The following WASF2 variants were observed in gnomAD, a reference collection of about 807,000 sequenced individuals.
WASF2 encodes the protein actin-binding protein WASF2.
Under a neutral mutation model 45.0 loss-of-function variants are expected in WASF2, and 14 were observed. The observed-to-expected ratio is 0.31, with a 90% CI of 0.21 to 0.49. The LOEUF (loss-of-function observed/expected upper bound fraction) is 0.49, where lower values mean the gene tolerates loss of function less well. Among genes scored for constraint, WASF2 ranks in the 20% least tolerant of loss-of-function variants. WASF2 has a pLI of 0.99. For synonymous variants in WASF2, 200 were observed against 236.3 expected, an observed-to-expected ratio of 0.85 and a Z score of 1.41; for missense variants, 439 against 636.1, an observed-to-expected ratio of 0.69 and a Z score of 3.33.
intron 1 of WASF2, among the ~76,000 whole-genome samples, chr1:27,468,343 A>C (rs1028250069): frequency 6.6e-6 from 1 of 152,004 alleles, no homozygotes; most frequent in African/African-American, 2.4e-5. Context: ...AAAAAACACC[A>C]GAGAAAAAAA....
At chr1:27,474,568 G>A (rs1482541235) in intron 1 of WASF2, among the ~76,000 whole-genome samples, 1 of 151,506 alleles carries the variant, frequency 6.6e-6, no homozygotes, top group Non-Finnish European at 1.5e-5. Flanking sequence ...TCACAAGATC[G>A]AGACCATCCT....
At chr1:27,441,426 G>C (rs1056206195) in intron 1 of WASF2, among the ~76,000 whole-genome samples, 3 of 151,252 alleles carry the variant, frequency 2.0e-5, no homozygotes, top group African/African-American at 7.3e-5. Flanking sequence ...TCAGGAATTC[G>C]AGACCAGCTT....
At chr1:27,427,999 C>G (rs1202908595) in intron 2 of WASF2, among the ~76,000 whole-genome samples, 2 of 152,136 alleles carry the variant, frequency 1.3e-5, no homozygotes, top group Non-Finnish European at 2.9e-5. Flanking sequence ...GTACCCCACC[C>G]AAGGCAGTCT....
intron 1 of WASF2, among the ~76,000 whole-genome samples, chr1:27,471,717 A>G (rs1296360757): frequency 6.6e-6 from 1 of 152,210 alleles, no homozygotes; most frequent in Non-Finnish European, 1.5e-5. Context: ...GGGACTGACA[A>G]AGGAGGATCA....
chr1:27,454,357 ATT>A (rs1230996245), intron 1 of WASF2, among the ~76,000 whole-genome samples: 2 of 139,062 alleles, frequency 1.4e-5, no homozygotes, highest in Non-Finnish European at 1.6e-5. Flanking sequence ...TGCCCAACTA[ATT>A]TTTTTTTTTT....
intron 1 of WASF2, among the ~76,000 whole-genome samples, chr1:27,455,290 G>C (rs2017452271): frequency 2.0e-5 from 3 of 152,152 alleles, no homozygotes; most frequent in South Asian, 4.2e-4. Flanking sequence ...CTCTCTCCAT[G>C]AAAGTCTGGA....
chr1:27,467,748 T>C (rs1310436834), intron 1 of WASF2, among the ~76,000 whole-genome samples: 1 of 151,168 alleles, frequency 6.6e-6, no homozygotes, highest in Non-Finnish European at 1.5e-5. Context: ...CTATCTCTAC[T>C]AAAAATATAA....
chr1:27,483,439 A>C (rs952635999), intron 1 of WASF2, among the ~76,000 whole-genome samples: 1 of 151,930 alleles, frequency 6.6e-6, no homozygotes. Context: ...CCATTGTTCT[A>C]GCCTGGGCAG....
At chr1:27,425,118 G>C (rs1485181797) in intron 2 of WASF2, among the ~76,000 whole-genome samples, 1 of 152,112 alleles carries the variant, frequency 6.6e-6, no homozygotes, top group Non-Finnish European at 1.5e-5. Flanking sequence ...TTTGAGACAA[G>C]GTCTCGCCCT....
intron 4 of WASF2, among the ~76,000 whole-genome samples, chr1:27,416,561 G>A (rs2016828716): frequency 1.3e-5 from 2 of 152,250 alleles, no homozygotes; most frequent in African/African-American, 4.8e-5. Context: ...GGGAGTTCAT[G>A]TGTATGCATA....
At chr1:27,436,561 A>G (rs753783943) in intron 1 of WASF2, among the ~76,000 whole-genome samples, 3 of 152,260 alleles carry the variant, frequency 2.0e-5, no homozygotes, top group Non-Finnish European at 4.4e-5. Flanking sequence ...CAGACAATAC[A>G]TGGTCTTACT....
chr1:27,486,791 G>T (rs1264093727), intron 1 of WASF2, among the ~76,000 whole-genome samples: 1 of 151,878 alleles, frequency 6.6e-6, no homozygotes, highest in Admixed American at 6.6e-5. Context: ...AGGCGTGGCG[G>T]TGCATGCCTG....
chr1:27,485,130 A>T (rs571472159), intron 1 of WASF2, among the ~76,000 whole-genome samples: 3 of 152,306 alleles, frequency 2.0e-5, no homozygotes, highest in African/African-American at 7.2e-5. Context: ...AGGCTGGGCA[A>T]TAAGAGCGAA....
rs2016855469 is a variant in WASF2, at chr1:27,418,408, T to C, written c.280A>G (p.Ile94Val). The C allele has an allele frequency of 1.2e-6, 2 of 1,614,122 alleles. No individual in the cohort carries two copies. The highest frequency in any genetic ancestry group is 2.2e-5 in the East Asian group (1 of 44,900). The stretch of plus-strand genomic sequence containing the variant: ...CTTCTGAAGGCTTTTCGGGTGTTGA[T>C]TCCTTGCAGTGACACTGAGAGAAGA... ...PKEEEVSLQG[I>V]NTRKAFRSST... Residue 94 changes from isoleucine (I) to valine (V), a missense_variant, in exon 4 of 9, where the codon ATC becomes GTC. Physicochemically the swap from Ile to Val is conservative, Grantham distance 29. This residue lies in a region of WASF2 where 98 missense variants were observed against 120.7 expected (regional missense o/e 0.81). Transcript: ENST00000618852.
intron 1 of WASF2, among the ~76,000 whole-genome samples, chr1:27,463,622 C>CAAAAAAA (rs998488815): frequency 4.8e-5 from 2 of 41,878 alleles, no homozygotes; most frequent in Non-Finnish European, 9.5e-5. Context: ...GACTCTGTCT[C>CAAAAAAA]AAAAAAAAAA....
intron 1 of WASF2, among the ~76,000 whole-genome samples, chr1:27,479,694 G>A (rs1325333090): frequency 3.9e-5 from 6 of 151,934 alleles, no homozygotes; most frequent in Non-Finnish European, 7.4e-5. Flanking sequence ...GTGAAACCCC[G>A]TCTCTACTAA....
intron 1 of WASF2, among the ~76,000 whole-genome samples, chr1:27,430,005 G>C (rs999909741): frequency 6.6e-6 from 1 of 152,134 alleles, no homozygotes; most frequent in Non-Finnish European, 1.5e-5. Context: ...AGGCTCTAGA[G>C]ACAGCAGGAA....
chr1:27,487,667 A>T (rs1458057372), intron 1 of WASF2, among the ~76,000 whole-genome samples: 7 of 104,786 alleles, frequency 6.7e-5, no homozygotes, highest in African/African-American at 1.2e-4. Flanking sequence ...AATATATATT[A>T]TATATATTTT....
At chr1:27,413,720 A>ATGGG in intron 6 of WASF2, among the ~76,000 whole-genome samples, 1 of 152,272 alleles carries the variant, frequency 6.6e-6, no homozygotes, top group South Asian at 2.1e-4. Flanking sequence ...GAAGACACAC[A>ATGGG]TGGGTAGCTG....
Sources: gnomAD v4.1 joint callset for allele counts (sites outside exome capture counted in the v4.1 genomes callset) on GRCh38, gnomAD v4.1.1 for gene constraint, gnomAD v4.1.1 regional missense constraint, MANE v1.5 for transcripts, NCBI Gene and HGNC (gene_info 2026-07-23, HGNC 2026-07-21) for gene names.